The following EXTL3 variants were observed in gnomAD, a reference collection of about 807,000 sequenced individuals.
The protein encoded by EXTL3 is exostosin-like 3.
EXTL3 carries 27 observed loss-of-function variants against 69.3 expected under a neutral mutation model. That is an observed-to-expected ratio of 0.39 (90% CI 0.29 to 0.54). EXTL3 has a LOEUF of 0.54. Among genes scored for constraint, EXTL3 ranks in the 20% least tolerant of loss-of-function variants. EXTL3 has a pLI of 0.69. For missense variants in EXTL3, 1,003 were observed against 1,231.8 expected, an observed-to-expected ratio of 0.81 and a Z score of 2.78; for synonymous variants, 511 against 499.4, an observed-to-expected ratio of 1.02 and a Z score of -0.31.
chr8:28,626,999 G>A (rs192385376), intron 1 of EXTL3, among the ~76,000 whole-genome samples: 47 of 151,616 alleles, frequency 3.1e-4, no homozygotes, highest in African/African-American at 1.1e-3. Flanking sequence ...TGGCTAACAC[G>A]GTGAAACCCT....
chr8:28,724,588 A>T (rs1406837178), intron 3 of EXTL3, among the ~76,000 whole-genome samples: 1 of 150,684 alleles, frequency 6.6e-6, no homozygotes, highest in Non-Finnish European at 1.5e-5. Flanking sequence ...CAAGATGGTG[A>T]AACCCTGTCT....
chr8:28,607,970 C>A (rs1051717203), intron 2 of EXTL3, among the ~76,000 whole-genome samples: 1 of 151,774 alleles, frequency 6.6e-6, no homozygotes, highest in African/African-American at 2.4e-5. Context: ...ATTAGCCAGG[C>A]GTGGTGGTGG....
At chr8:28,740,301 T>A (rs1368848254) in intron 5 of EXTL3, 2 of 152,360 alleles carry the variant, frequency 1.3e-5, no homozygotes, top group East Asian at 3.9e-4. Flanking sequence ...TTTATTTTTA[T>A]GAGACTGAGT....
chr8:28,717,723 A>T lies in EXTL3; in HGVS notation c.1664A>T (p.His555Leu). ...IREEAAAEIP[H>L]RSGKAAGTDP... ...GAAGAGGCGGCAGCTGAGATCCCCC[A>T]CCGTTCAGGCAAGGCGGCTGGAACT... Residue 555 changes from histidine to leucine, a missense_variant, in exon 3 of 7, where the codon CAC becomes CTC. His to Leu is a moderately conservative substitution (Grantham distance 99). Transcript: ENST00000220562. The surrounding 1 kb of genome is among the most constrained non-coding windows in gnomAD (Gnocchi z 8.3). The T allele has an allele frequency of 6.2e-7, 1 of 1,614,172 alleles. No individual in the cohort carries two copies. The highest frequency in any genetic ancestry group is 1.1e-5 in the South Asian group (1 of 91,088).
At chr8:28,631,051 C>T (rs1025522326) in intron 1 of EXTL3, among the ~76,000 whole-genome samples, 23 of 152,084 alleles carry the variant, frequency 1.5e-4, no homozygotes, top group African/African-American at 5.3e-4. Flanking sequence ...CTTTAAGTTT[C>T]TTAGAAGCCA....
intron 1 of EXTL3, among the ~76,000 whole-genome samples, chr8:28,662,911 T>A (rs893356304): frequency 6.6e-6 from 1 of 152,176 alleles, no homozygotes; most frequent in Admixed American, 6.5e-5. Context: ...GAACCACGAT[T>A]GTGCCACTGC....
Position 28,636,360 on chromosome 8 carries a change from C to T in EXTL3, c.-53+13550C>T, listed in dbSNP as rs933151609. 7.3e-5 allele frequency among the ~76,000 whole-genome samples: 11 copies of T among 151,380 alleles called. 1 individual carries two copies. In the South Asian group the frequency reaches 1.5e-3, roughly 20 times the overall value. ...AAAAAAAAAAAACAAATGTCTAACT[C>T]GCCAGGAGACAAGATCTTTCAAGTA... On this transcript the variant is annotated intron_variant, in intron 1 of 6. Transcript: ENST00000523149.
rs1192861370 is a variant in EXTL3 at position 28,702,311 on chromosome 8, T to C, written c.-570+652T>C. 2.0e-5 allele frequency among the ~76,000 whole-genome samples: 3 copies of C among 152,278 alleles called. No homozygotes were observed. In the South Asian group the frequency reaches 6.2e-4, roughly 32 times the overall value. ...CCCTGGCTCCCAGGCCCAGCTCCCC[T>C]AGAGCCGGCCTCGCGCTGCACGGGC... is the stretch of plus-strand genomic sequence containing the variant. On this transcript the variant is annotated intron_variant, in intron 1 of 6. Transcript: ENST00000220562.
At chr8:28,652,734 G>C (rs976492724) in intron 1 of EXTL3, among the ~76,000 whole-genome samples, 8 of 151,798 alleles carry the variant, frequency 5.3e-5, no homozygotes, top group African/African-American at 1.9e-4. Flanking sequence ...ATCTCATTAT[G>C]GTTTTCATTT....
Position 28,717,214 on chromosome 8 carries a change from G to A in EXTL3, c.1155G>A (p.Ala385=), listed in dbSNP as rs371462015. 19 of 1,614,110 alleles carry A rather than the reference G, an allele frequency of 1.2e-5. No homozygotes were observed. Among genetic ancestry groups the A allele is most frequent in the African/African-American group, 5.3e-5 (4 of 74,946 alleles). Residue 385 remains alanine, a synonymous_variant, in exon 3 of 7, where the codon GCG becomes GCA. Transcript: ENST00000220562. The surrounding 1 kb of genome is among the most constrained non-coding windows in gnomAD (Gnocchi z 8.3). ...YDDRIIATLK[A]VQDSKLDQVL... is the part of the protein sequence containing the mutation. The stretch of plus-strand genomic sequence containing the variant: ...ACCGGATCATTGCCACCCTGAAGGC[G>A]GTGCAGGACAGCAAGCTGGATCAGG...
intron 1 of EXTL3, among the ~76,000 whole-genome samples, chr8:28,635,715 CCA>C (rs146671194): frequency 0.072 from 10,251 of 142,400 alleles, 951 homozygotes; most frequent in African/African-American, 0.21. Context: ...CCCCACAACT[CCA>C]CACACACACA....
Position 28,632,554 on chromosome 8 carries a change from C to CTT in EXTL3, c.-53+9761_-53+9762dup, listed in dbSNP as rs1172375819. 3.8e-3 allele frequency among the ~76,000 whole-genome samples: 481 copies of CTT among 126,580 alleles called. 9 individuals carry two copies. Among genetic ancestry groups the CTT allele is most frequent in the African/African-American group, 0.013 (438 of 33,278 alleles). The allele number at this position is 126,580 out of a possible 152,430, so 83.0% of individuals were successfully genotyped here. A position where few individuals can be genotyped will look rare whatever the true frequency, so the allele number is the denominator to read the frequency against. On this transcript the variant is annotated intron_variant, in intron 1 of 6. Coordinates refer to the EXTL3 transcript ENST00000523149. ...TTTTAACTGCATTATCTCATTTATTCTTTTTTTTTTTTTTTTTTGAGAGGA... is the reference window on the plus strand; with the variant it reads ...TTTTAACTGCATTATCTCATTTATTCTTTTTTTTTTTTTTTTTTTTGAGAGGA...
intron 1 of EXTL3, among the ~76,000 whole-genome samples, chr8:28,647,882 C>T (rs560855745): frequency 2.2e-4 from 31 of 140,654 alleles, no homozygotes; most frequent in African/African-American, 8.3e-4. Context: ...AAAGAGGTCT[C>T]AATTAGAAGG....
intron 1 of EXTL3, among the ~76,000 whole-genome samples, chr8:28,680,405 AC>A (rs1456962448): frequency 1.2e-4 from 18 of 147,462 alleles, no homozygotes; most frequent in Non-Finnish European, 2.3e-4. Flanking sequence ...AAAAAAAAAA[AC>A]AGCATACTAT....
chr8:28,714,777 G>C (rs1382288053), intron 2 of EXTL3, among the ~76,000 whole-genome samples: 2 of 152,214 alleles, frequency 1.3e-5, no homozygotes, highest in African/African-American at 4.8e-5. Flanking sequence ...GGACTGAGTC[G>C]CTACAAGCGT....
intron 1 of EXTL3, among the ~76,000 whole-genome samples, chr8:28,648,175 T>C (rs186845824): frequency 7.2e-5 from 11 of 152,370 alleles, no homozygotes; most frequent in Admixed American, 7.2e-4. Flanking sequence ...TTTCTGATGC[T>C]GAGTTTCCAT....
chr8:28,741,694 T>C (rs1801784214), intron 5 of EXTL3: 1 of 152,168 alleles, frequency 6.6e-6, no homozygotes, highest in Non-Finnish European at 1.5e-5. Flanking sequence ...GCTCAAGCAT[T>C]TCACCGACCT....
At chr8:28,679,367 A>G (rs1049526552) in intron 1 of EXTL3, among the ~76,000 whole-genome samples, 3 of 152,150 alleles carry the variant, frequency 2.0e-5, no homozygotes, top group Admixed American at 2.0e-4. Context: ...AATCGCTTGA[A>G]CCTGGGAGGC....
In EXTL3 at chr8:28,718,174, C is replaced by T. The variant is rs747115805; in HGVS notation, c.2115C>T (p.Asp705=). The change falls in exon 3 of 7, where the codon GAC becomes GAT. Residue 705 remains aspartate (D), a synonymous_variant. Transcript: ENST00000220562. ...ATTCTCCCAAGCTGCCATCAGAGGA[C>T]CTTCTGTGGCCTGACATTGGCGTCC... ...VWNSPKLPSE[D]LLWPDIGVPI... is the part of the protein sequence containing the mutation. 2.5e-6 allele frequency: 4 copies of T among 1,614,038 alleles called. No individual in the cohort carries two copies. Among genetic ancestry groups the T allele is most frequent in the African/African-American group, 1.3e-5 (1 of 74,912 alleles).
Sources: gnomAD v4.1 joint callset for allele counts (sites outside exome capture counted in the v4.1 genomes callset) on GRCh38, gnomAD v4.1.1 for gene constraint, Gnocchi (gnomAD v3.1) non-coding constraint, MANE v1.5 for transcripts, NCBI Gene and HGNC (gene_info 2026-07-23, HGNC 2026-07-21) for gene names.